Variants in FRMD3 observed in about 807,000 individuals in gnomAD.
FRMD3 encodes FERM domain-containing protein 3.
Under a neutral mutation model 70.2 loss-of-function variants are expected in FRMD3, and 33 were observed. That is an observed-to-expected ratio of 0.47 (90% CI 0.36 to 0.63). The LOEUF (loss-of-function observed/expected upper bound fraction) is 0.63. Ranked by LOEUF, FRMD3 falls within the 20% of genes least tolerant of loss-of-function variation. The pLI, the probability that FRMD3 is intolerant of heterozygous loss-of-function variation, is 0.00. For synonymous variants in FRMD3, 279 were observed against 255.9 expected, an observed-to-expected ratio of 1.09 and a Z score of -0.86; for missense variants, 632 against 711.4, an observed-to-expected ratio of 0.89 and a Z score of 1.27.
intron 10 of FRMD3, among the ~76,000 whole-genome samples, chr9:83,304,693 CTG>C (rs1564005395): frequency 6.6e-6 from 1 of 152,194 alleles, no homozygotes; most frequent in Non-Finnish European, 1.5e-5. Flanking sequence ...ACAGCAAAAA[CTG>C]TGAGATAAAG....
intron 1 of FRMD3, among the ~76,000 whole-genome samples, chr9:83,458,293 C>A (rs1177855074): frequency 2.0e-5 from 3 of 152,186 alleles, no homozygotes; most frequent in African/African-American, 7.2e-5. Context: ...GACACAAGGT[C>A]AGTAACCACT....
chr9:83,376,024 G>A (rs1564045281), intron 2 of FRMD3, among the ~76,000 whole-genome samples: 1 of 151,986 alleles, frequency 6.6e-6, no homozygotes, highest in Non-Finnish European at 1.5e-5. Context: ...GCCTGGCGTG[G>A]TGGCAGGTGC....
upstream of FRMD3, among the ~76,000 whole-genome samples, chr9:83,543,423 G>A (rs1186227234): frequency 1.3e-5 from 2 of 152,140 alleles, no homozygotes; most frequent in African/African-American, 4.8e-5. Context: ...GCATCGGTGT[G>A]GGCGGCAATT....
chr9:83,518,489 A>C (rs1829500742), intron 1 of FRMD3, among the ~76,000 whole-genome samples: 1 of 152,230 alleles, frequency 6.6e-6, no homozygotes, highest in African/African-American at 2.4e-5. Context: ...GAAATAAGAG[A>C]GGACACAAAC....
intron 1 of FRMD3, among the ~76,000 whole-genome samples, chr9:83,443,214 A>C (rs1308370734): frequency 6.6e-6 from 1 of 152,144 alleles, no homozygotes; most frequent in Non-Finnish European, 1.5e-5. Context: ...ATATGCATAC[A>C]TGTGCCATGT....
intron 13 of FRMD3, among the ~76,000 whole-genome samples, chr9:83,251,381 C>T (rs1016043616): frequency 6.6e-6 from 1 of 152,118 alleles, no homozygotes; most frequent in Non-Finnish European, 1.5e-5. Flanking sequence ...CCATAAAGAT[C>T]GAAGATAGAT....
chr9:83,520,360 G>C (rs1488093932), intron 1 of FRMD3, among the ~76,000 whole-genome samples: 3 of 152,162 alleles, frequency 2.0e-5, no homozygotes, highest in Non-Finnish European at 2.9e-5. Context: ...TTGAAATTAT[G>C]AAAGTAACAC....
intron 1 of FRMD3, among the ~76,000 whole-genome samples, chr9:83,470,903 A>G (rs1828252746): frequency 6.6e-6 from 1 of 152,258 alleles, no homozygotes; most frequent in Non-Finnish European, 1.5e-5. Flanking sequence ...ATGTGATCTT[A>G]CACAAGCTGG....
chr9:83,453,618 T>G (rs1827730064), intron 1 of FRMD3, among the ~76,000 whole-genome samples: 1 of 152,158 alleles, frequency 6.6e-6, no homozygotes, highest in African/African-American at 2.4e-5. Context: ...AAAATCTCAT[T>G]CATAATTTTT....
chr9:83,324,967 C>T (rs1835953545), intron 6 of FRMD3, among the ~76,000 whole-genome samples: 1 of 152,202 alleles, frequency 6.6e-6, no homozygotes, highest in Non-Finnish European at 1.5e-5. Flanking sequence ...TCCTGCGTGC[C>T]ATGGCACAGC....
chr9:83,506,301 C>G (rs773947364), intron 1 of FRMD3, among the ~76,000 whole-genome samples: 3 of 152,052 alleles, frequency 2.0e-5, no homozygotes, highest in African/African-American at 7.2e-5. Context: ...TAATGGAATA[C>G]AGTCATGTGT....
At chr9:83,518,188 G>A (rs1298348917) in intron 1 of FRMD3, among the ~76,000 whole-genome samples, 1 of 152,148 alleles carries the variant, frequency 6.6e-6, no homozygotes, top group African/African-American at 2.4e-5. Flanking sequence ...TGGAAGAGAG[G>A]AAGTGAAATT....
At chr9:83,360,474 T>C (rs887021275) in intron 3 of FRMD3, among the ~76,000 whole-genome samples, 10 of 152,158 alleles carry the variant, frequency 6.6e-5, no homozygotes, top group South Asian at 2.1e-4. Flanking sequence ...CTGCCCATCA[T>C]GGTTATCATT....
rs920593993 is a variant in FRMD3 at position 83,450,159 on chromosome 9, T to C, written c.148-60451A>G. ...GAAAATTAGACGGCAAAGCCTGGAA[T>C]GCCTGCCCCACCTCCAGGAGCACAG... On this transcript the variant is annotated intron_variant, in intron 1 of 13. Coordinates refer to ENST00000304195, the MANE Select transcript of FRMD3 (RefSeq NM_174938.6). 3.9e-5 allele frequency among the ~76,000 whole-genome samples: 6 copies of C among 152,148 alleles called. No homozygotes were observed. The East Asian group carries it at 1.2e-3, about 30-fold the overall frequency.
chr9:83,583,351 A>T, the FRMD3 span, among the ~76,000 whole-genome samples: 1 of 152,118 alleles, frequency 6.6e-6, no homozygotes, highest in Non-Finnish European at 1.5e-5. Flanking sequence ...CAGCAGAGGG[A>T]GGGGTAGAAG....
the FRMD3 span, among the ~76,000 whole-genome samples, chr9:83,569,435 C>T: frequency 6.8e-4 from 103 of 152,332 alleles, no homozygotes; most frequent in Middle Eastern, 0.01. Flanking sequence ...GTCTGCCTGG[C>T]CCAGGAGCTG....
At chr9:83,388,138 T>C (rs1825564261) in intron 2 of FRMD3, among the ~76,000 whole-genome samples, 1 of 152,168 alleles carries the variant, frequency 6.6e-6, no homozygotes. Flanking sequence ...CATCCCTTCA[T>C]ATAAACTTGG....
At chr9:83,282,112 C>A (rs1430856408) in intron 13 of FRMD3, among the ~76,000 whole-genome samples, 2 of 152,152 alleles carry the variant, frequency 1.3e-5, no homozygotes, top group Non-Finnish European at 2.9e-5. Flanking sequence ...AGGATGTAAT[C>A]CCAGCTTTCC....
rs1406038683 is a variant in FRMD3 at position 83,402,894 on chromosome 9, CTTTCTTT to C, written c.148-13193_148-13187del. Among the ~76,000 whole-genome samples, 4 of 109,066 alleles carry C rather than the reference CTTTCTTT, an allele frequency of 3.7e-5. No individual in the cohort carries two copies. The East Asian group carries it at 1.1e-3, about 30-fold the overall frequency. 71.6% of individuals were successfully genotyped at this position (109,066 alleles called of 152,430 possible). On this transcript the variant is annotated intron_variant, in intron 1 of 13. Transcript: ENST00000304195. ...CAGAGACTCTCAATTTTCCTTCTTT[CTTTCTTT>C]TTTTTTTTTTTTTTTTTTTTGAGAT...
Sources: gnomAD v4.1 joint callset for allele counts (sites outside exome capture counted in the v4.1 genomes callset) on GRCh38, gnomAD v4.1.1 for gene constraint, MANE v1.5 for transcripts, NCBI Gene and HGNC (gene_info 2026-07-23, HGNC 2026-07-21) for gene names.